URI1: variants seen among roughly 807,000 people sequenced by gnomAD.
URI1 encodes the protein unconventional prefoldin RPB5 interactor 1.
A neutral mutation model predicts 60.2 loss-of-function variants in URI1; 39 were observed. The ratio of observed to expected loss-of-function variants is 0.65; its 90% CI spans 0.50 to 0.85. URI1 has a LOEUF of 0.85. URI1 is among the 40% of genes least tolerant of loss of function. URI1 has a pLI of 0.00. For missense variants in URI1, 691 were observed against 665.9 expected (o/e 1.04, Z -0.42); for synonymous variants, 251 against 236.8 (o/e 1.06, Z -0.55).
chr19:29,944,944 C>T (rs926356385), intron 1 of URI1, among the ~76,000 whole-genome samples: 1 of 152,022 alleles, frequency 6.6e-6, no homozygotes, highest in Admixed American at 6.6e-5. Flanking sequence ...TAAAGCTGGC[C>T]CAGTTGTGGG....
At chr19:29,996,094 C>A (rs1172842564) in intron 4 of URI1, among the ~76,000 whole-genome samples, 1 of 151,734 alleles carries the variant, frequency 6.6e-6, no homozygotes, top group Non-Finnish European at 1.5e-5. Context: ...ATTGGGGAAC[C>A]CTTGAGACTC....
Position 30,012,360 on chromosome 19 carries a change from T to G in URI1, c.1254T>G (p.Ser418Arg), listed in dbSNP as rs766397820. Residue 418 changes from serine to arginine, a missense_variant, in exon 10 of 11, where the codon AGT (serine) becomes AGG (arginine). Physicochemically the swap from Ser to Arg is moderately radical, Grantham distance 110. Coordinates refer to ENST00000392271, the MANE Select transcript of URI1 (RefSeq NM_003796.3). Reference protein sequence around the residue: ...SILKSRSRENSVCSDTSESSA... With the variant: ...SILKSRSRENRVCSDTSESSA... ...TGAAGTCTCGAAGTAGAGAGAATAG[T>G]GTGTGTAGCGACACTAGTGAAAGCA... 1 of 1,614,190 alleles carries G rather than the reference T, an allele frequency of 6.2e-7. No individual in the cohort carries two copies. Among genetic ancestry groups the G allele is most frequent in the Non-Finnish European group, 8.5e-7 (1 of 1,180,034 alleles).
intron 1 of URI1, among the ~76,000 whole-genome samples, chr19:29,948,925 G>T (rs1419275951): frequency 6.7e-6 from 1 of 149,372 alleles, no homozygotes; most frequent in Non-Finnish European, 1.5e-5. Context: ...CCGGGCAGAG[G>T]CACCCCCCAC....
At chr19:29,979,798 A>G (rs1021337616) in intron 2 of URI1, among the ~76,000 whole-genome samples, 2 of 152,200 alleles carry the variant, frequency 1.3e-5, no homozygotes, top group Non-Finnish European at 2.9e-5. Flanking sequence ...TAAAAAAGGA[A>G]TATACCACCA....
chr19:29,935,726 T>C (rs1357918523), intron 1 of URI1, among the ~76,000 whole-genome samples: 1 of 149,170 alleles, frequency 6.7e-6, no homozygotes, highest in African/African-American at 2.5e-5. Context: ...CCCAGGACTT[T>C]AACTGTGTTA....
chr19:30,001,817 T>C (rs887617166), intron 4 of URI1, among the ~76,000 whole-genome samples: 1 of 151,996 alleles, frequency 6.6e-6, no homozygotes, highest in African/African-American at 2.4e-5. Context: ...AATGTATTTG[T>C]CTTTATGGGT....
chr19:29,937,207 C>T (rs965724455), intron 1 of URI1, among the ~76,000 whole-genome samples: 2 of 152,164 alleles, frequency 1.3e-5, no homozygotes, highest in African/African-American at 4.8e-5. Flanking sequence ...TTTTCGGCTC[C>T]AGGATTTCTA....
chr19:29,975,759 G>A (rs956373283), intron 2 of URI1, among the ~76,000 whole-genome samples: 5 of 152,210 alleles, frequency 3.3e-5, no homozygotes, highest in East Asian at 3.9e-4. Flanking sequence ...ACCCTCCTCC[G>A]CCTCCTAAAG....
intron 1 of URI1, among the ~76,000 whole-genome samples, chr19:29,945,146 A>G (rs2055087111): frequency 6.6e-6 from 1 of 152,192 alleles, no homozygotes; most frequent in Non-Finnish European, 1.5e-5. Context: ...AATGATTTGA[A>G]TGACTGTTCT....
chr19:29,935,905 G>A, intron 1 of URI1, among the ~76,000 whole-genome samples: 1 of 151,712 alleles, frequency 6.6e-6, no homozygotes, highest in East Asian at 1.9e-4. Flanking sequence ...TCCTGCCTCA[G>A]TCTCCCAAGT....
intron 7 of URI1, among the ~76,000 whole-genome samples, chr19:30,008,083 T>C (rs985424055): frequency 6.6e-6 from 1 of 152,186 alleles, no homozygotes; most frequent in African/African-American, 2.4e-5. Flanking sequence ...AAAATGTTTA[T>C]TCTTGCTTTC....
intron 1 of URI1, among the ~76,000 whole-genome samples, chr19:29,936,884 C>T (rs2054977926): frequency 6.6e-6 from 1 of 152,106 alleles, no homozygotes; most frequent in Non-Finnish European, 1.5e-5. Flanking sequence ...TCCCCAGCAG[C>T]TAGGGTTACA....
intron 4 of URI1, among the ~76,000 whole-genome samples, chr19:29,992,003 T>G (rs1236237989): frequency 6.6e-6 from 1 of 152,158 alleles, no homozygotes; most frequent in African/African-American, 2.4e-5. Context: ...TTGTTTAATA[T>G]TTGCATGGCG....
intron 1 of URI1, chr19:29,956,297 T>TC: frequency 1.3e-6 from 1 of 750,840 alleles, no homozygotes; most frequent in Non-Finnish European, 1.9e-6. Context: ...TTTTTTTTTT[T>TC]TTTTTTTTAA....
chr19:30,015,408 A>G lies in URI1; in HGVS notation c.*339A>G. ...AACTAAATACAGGCAGTTTTGTGCC[A>G]GCTGTGATATTGTGCATACCATATG... On this transcript the variant is annotated 3_prime_UTR_variant, in exon 11 of 11. Transcript: ENST00000392271. 1.4e-6 allele frequency: 2 copies of G among 1,444,166 alleles called. No individual in the cohort carries two copies. The highest frequency in any genetic ancestry group is 1.8e-6 in the Non-Finnish European group (2 of 1,106,748). 89.5% of individuals were successfully genotyped at this position (1,444,166 alleles called of 1,614,324 possible).
At chr19:30,005,564 T>C in intron 5 of URI1, 87 bp from the exon 6 acceptor site, 2 of 1,526,184 alleles carry the variant, frequency 1.3e-6, no homozygotes, top group East Asian at 2.3e-5. Flanking sequence ...CTTTCAGACA[T>C]CTTAGGTTGA....
chr19:29,966,171 G>A (rs190456804), intron 1 of URI1, among the ~76,000 whole-genome samples: 1 of 152,214 alleles, frequency 6.6e-6, no homozygotes, highest in African/African-American at 2.4e-5. Context: ...TTTGGGGACA[G>A]GGTCTCTGTC....
rs76619969 is a variant in URI1, at chr19:29,946,548, T to A, written c.117+3884T>A. Among the ~76,000 whole-genome samples, 514 of 152,346 alleles carry A rather than the reference T, an allele frequency of 3.4e-3. 5 individuals carry two copies. The highest frequency in any genetic ancestry group is 0.012 in the African/African-American group (499 of 41,568). ...GATAATATATTTATAATTGAGTGCC[T>A]CATGTAGTTCTCACTTGGAATTTTG... On this transcript the variant is annotated intron_variant, in intron 1 of 10. Transcript: ENST00000392271.
intron 7 of URI1, 130 bp from the exon 8 acceptor site, chr19:30,008,872 TGAA>T: frequency 1.3e-6 from 1 of 775,714 alleles, no homozygotes; most frequent in Non-Finnish European, 1.9e-6. Context: ...TTTTTGTTTT[TGAA>T]CTTAGAATTC....
Sources: allele counts gnomAD v4.1 joint callset (sites outside exome capture counted in the v4.1 genomes callset), GRCh38; gene constraint gnomAD v4.1.1; transcripts MANE v1.5; gene names NCBI Gene and HGNC (gene_info 2026-07-23, HGNC 2026-07-21).